Variants in GIGYF2 observed in about 807,000 individuals in gnomAD.
The protein encoded by GIGYF2 is GRB10 interacting GYF protein 2.
GIGYF2 carries 25 observed loss-of-function variants against 208.1 expected under a neutral mutation model. The ratio of observed to expected loss-of-function variants is 0.12; its 90% CI spans 0.09 to 0.17. The LOEUF is 0.17. GIGYF2 is among the 10% of genes least tolerant of loss of function. The pLI, the probability that GIGYF2 is intolerant of heterozygous loss-of-function variation, is 1.00. For missense variants in GIGYF2, 1,302 were observed against 1,579.4 expected (o/e 0.82, Z 2.98); for synonymous variants, 534 against 543.8 (o/e 0.98, Z 0.25).
In GIGYF2 at chr2:232,791,080, T is replaced by A. The variant is rs776898936; in HGVS notation, c.1003T>A (p.Ser335Thr). 24 of 1,613,862 alleles carry A rather than the reference T, an allele frequency of 1.5e-5. No homozygotes were observed. In the Middle Eastern group the frequency reaches 4.9e-4, roughly 33 times the overall value. Residue 335 changes from serine to threonine, a missense_variant, in exon 11 of 29, where the codon TCT becomes ACT. Ser to Thr is a moderately conservative substitution (Grantham distance 58). Coordinates refer to ENST00000373563, the MANE Select transcript of GIGYF2 (RefSeq NM_001103146.3). ...GCCTGTGGACGAAGGGGAGGAGTGC[T>A]CTGACTCTGAGGGTAGCCATAATGA... ...FRPVDEGEEC[S>T]DSEGSHNEEA...
At chr2:232,720,825 C>T (rs1199266906) in intron 2 of GIGYF2, among the ~76,000 whole-genome samples, 4 of 151,994 alleles carry the variant, frequency 2.6e-5, no homozygotes, top group Non-Finnish European at 5.9e-5. Flanking sequence ...GAACTCCTGG[C>T]CTCAATCGAT....
At chr2:232,822,174 G>GGC (rs1300828973) in intron 21 of GIGYF2, among the ~76,000 whole-genome samples, 1 of 152,040 alleles carries the variant, frequency 6.6e-6, no homozygotes, top group Non-Finnish European at 1.5e-5. Context: ...GCCTCCTGTG[G>GGC]TTATGATATG....
chr2:232,849,728 C>T (rs1690239134), intron 27 of GIGYF2, among the ~76,000 whole-genome samples: 1 of 152,196 alleles, frequency 6.6e-6, no homozygotes. Flanking sequence ...GGCTAGTAGG[C>T]AATTTCATAG....
intron 23 of GIGYF2, among the ~76,000 whole-genome samples, chr2:232,841,060 A>G (rs1056148275): frequency 2.0e-5 from 3 of 148,974 alleles, no homozygotes; most frequent in Non-Finnish European, 4.5e-5. Flanking sequence ...CTTATTTCCC[A>G]CCTTTATTTA....
intron 8 of GIGYF2, chr2:232,768,903 A>T: frequency 8.4e-7 from 1 of 1,185,900 alleles, no homozygotes; most frequent in Non-Finnish European, 1.2e-6. Flanking sequence ...AAATATTTAC[A>T]CATTTCTTGG....
intron 1 of GIGYF2, among the ~76,000 whole-genome samples, chr2:232,699,231 A>G (rs987794639): frequency 1.3e-5 from 2 of 152,218 alleles, no homozygotes; most frequent in Non-Finnish European, 2.9e-5. Context: ...GCTCTAGGCT[A>G]GGGAGCAGCA....
At chr2:232,825,019 A>G (rs1324462424) in intron 21 of GIGYF2, among the ~76,000 whole-genome samples, 1 of 152,236 alleles carries the variant, frequency 6.6e-6, no homozygotes, top group Non-Finnish European at 1.5e-5. Flanking sequence ...GGTATATTGA[A>G]TATTTTAAAC....
intron 8 of GIGYF2, among the ~76,000 whole-genome samples, chr2:232,761,935 A>G (rs1411799326): frequency 6.6e-6 from 1 of 151,424 alleles, no homozygotes; most frequent in Non-Finnish European, 1.5e-5. Flanking sequence ...AGAGGAACAT[A>G]ATAAAGGAAC....
chr2:232,741,496 G>A (rs1424449592), intron 3 of GIGYF2, among the ~76,000 whole-genome samples: 1 of 151,174 alleles, frequency 6.6e-6, no homozygotes, highest in Non-Finnish European at 1.5e-5. Context: ...AAGCTGCGGT[G>A]CAGTGGTGTG....
chr2:232,743,394 G>A (rs891538896), intron 3 of GIGYF2, among the ~76,000 whole-genome samples: 3 of 152,196 alleles, frequency 2.0e-5, no homozygotes, highest in Non-Finnish European at 4.4e-5. Context: ...AGGGTTGTAT[G>A]GAGGAGATAA....
chr2:232,758,479 A>G (rs546344573), intron 6 of GIGYF2, among the ~76,000 whole-genome samples: 12 of 152,308 alleles, frequency 7.9e-5, no homozygotes, highest in African/African-American at 2.9e-4. Context: ...TCTTAGTAGA[A>G]CAGTTCTTTA....
intron 8 of GIGYF2, among the ~76,000 whole-genome samples, chr2:232,784,141 G>T (rs1474952060): frequency 6.6e-6 from 1 of 152,070 alleles, no homozygotes; most frequent in Non-Finnish European, 1.5e-5. Flanking sequence ...TTTTTAAAAA[G>T]CCTGTTTAGG....
At chr2:232,725,614 T>C (rs1224364235) in intron 2 of GIGYF2, among the ~76,000 whole-genome samples, 2 of 152,234 alleles carry the variant, frequency 1.3e-5, no homozygotes, top group African/African-American at 4.8e-5. Flanking sequence ...CTAGCAAATA[T>C]TATAATTCAA....
intron 8 of GIGYF2, chr2:232,770,992 G>A (rs1181517529): frequency 6.2e-7 from 1 of 1,613,906 alleles, no homozygotes; most frequent in African/African-American, 1.3e-5. Context: ...GGGGAACATG[G>A]TACCATAACC....
At chr2:232,832,366 G>GGA (rs1353823240) in intron 21 of GIGYF2, among the ~76,000 whole-genome samples, 1 of 152,232 alleles carries the variant, frequency 6.6e-6, no homozygotes, top group Non-Finnish European at 1.5e-5. Flanking sequence ...GACTGGTTGA[G>GGA]GAGAGATGTT....
intron 12 of GIGYF2, among the ~76,000 whole-genome samples, chr2:232,794,313 C>T (rs1028334879): frequency 2.6e-5 from 4 of 152,108 alleles, no homozygotes; most frequent in Non-Finnish European, 5.9e-5. Flanking sequence ...TTAATCATGA[C>T]TTGAAACAGG....
intron 19 of GIGYF2, 166 bp downstream of exon 19, chr2:232,815,903 C>CAA (rs151161298): frequency 1.3e-3 from 643 of 488,138 alleles, no homozygotes; most frequent in South Asian, 1.7e-3. Context: ...TCTCTTCTCC[C>CAA]AAAAAAAAAA....
Position 232,847,580 on chromosome 2 carries a change from T to C in GIGYF2, c.3684+9T>C, listed in dbSNP as rs748121279. The C allele has an allele frequency of 6.2e-7, 1 of 1,612,228 alleles. No homozygotes were observed. The highest frequency in any genetic ancestry group is 8.5e-7 in the Non-Finnish European group (1 of 1,179,974). On this transcript the variant is annotated intron_variant, in intron 27 of 28. Transcript: ENST00000373563. ...AGCAGCCACAACAGCAGGTATAAAG[T>C]AGTGTGGTGTATGCGGTACCTCTGA...
chr2:232,850,188 A>C, intron 27 of GIGYF2, 74 bp from the exon 28 acceptor site: 1 of 1,280,864 alleles, frequency 7.8e-7, no homozygotes, highest in Non-Finnish European at 1.1e-6. Context: ...AGGTGAGGAC[A>C]AACCAAACAT....
Sources: allele counts gnomAD v4.1 joint callset (sites outside exome capture counted in the v4.1 genomes callset), GRCh38; gene constraint gnomAD v4.1.1; transcripts MANE v1.5; gene names NCBI Gene and HGNC (gene_info 2026-07-23, HGNC 2026-07-21).